The following PLXNC1 variants were observed in gnomAD, a reference collection of about 807,000 sequenced individuals.
PLXNC1 encodes plexin C1.
Under a neutral mutation model 178.2 loss-of-function variants are expected in PLXNC1, and 75 were observed. That is an observed-to-expected ratio of 0.42 (90% CI 0.35 to 0.51). PLXNC1 has a LOEUF of 0.51. Among genes scored for constraint, PLXNC1 ranks in the 20% least tolerant of loss-of-function variants. The pLI is 0.02. For synonymous variants in PLXNC1, 790 were observed against 779.9 expected (o/e 1.01, Z -0.22); for missense variants, 1,503 against 1,984.4 (o/e 0.76, Z 4.61).
intron 21 of PLXNC1, among the ~76,000 whole-genome samples, chr12:94,269,661 T>C (rs553911948): frequency 2.9e-4 from 44 of 152,380 alleles, no homozygotes; most frequent in Non-Finnish European, 4.9e-4. Flanking sequence ...TAAATCCTGA[T>C]GTTTGCACTT....
At chr12:94,298,914 T>C in intron 27 of PLXNC1, 119 bp downstream of exon 27, 1 of 957,084 alleles carries the variant, frequency 1.0e-6, no homozygotes, top group Non-Finnish European at 1.5e-6. Context: ...TCTTTGGGCT[T>C]GGTAAGCTAT....
intron 6 of PLXNC1, among the ~76,000 whole-genome samples, chr12:94,222,002 G>A (rs1963810075): frequency 6.6e-6 from 1 of 152,192 alleles, no homozygotes; most frequent in Admixed American, 6.5e-5. Flanking sequence ...GCAATTTAAT[G>A]CACCAGGCCA....
intron 9 of PLXNC1, among the ~76,000 whole-genome samples, chr12:94,229,691 G>A (rs961495062): frequency 2.0e-5 from 3 of 152,076 alleles, no homozygotes; most frequent in Non-Finnish European, 4.4e-5. Context: ...CACCCTCGTT[G>A]AAAATCATTT....
intron 30 of PLXNC1, among the ~76,000 whole-genome samples, chr12:94,304,886 G>T (rs967859423): frequency 6.6e-6 from 1 of 152,210 alleles, no homozygotes; most frequent in Non-Finnish European, 1.5e-5. Context: ...AGGAATGCTT[G>T]CTGTGCTTGG....
chr12:94,197,580 A>T (rs1043458005), intron 4 of PLXNC1, among the ~76,000 whole-genome samples: 6 of 152,118 alleles, frequency 3.9e-5, no homozygotes, highest in Admixed American at 3.9e-4. Flanking sequence ...GTAAAAAATA[A>T]ATTTATTTTC....
intron 21 of PLXNC1, among the ~76,000 whole-genome samples, chr12:94,279,123 C>T (rs1346386437): frequency 1.3e-5 from 2 of 152,336 alleles, no homozygotes; most frequent in South Asian, 2.1e-4. Flanking sequence ...TCTGCCTCAT[C>T]TACTGTGGAA....
At chr12:94,172,603 C>T (rs1051779530) in intron 2 of PLXNC1, among the ~76,000 whole-genome samples, 7 of 152,142 alleles carry the variant, frequency 4.6e-5, no homozygotes, top group Non-Finnish European at 8.8e-5. Flanking sequence ...ATTTTGGATT[C>T]TCTATTTATG....
chr12:94,167,880 A>G (rs1418376919), intron 1 of PLXNC1: 3 of 152,240 alleles, frequency 2.0e-5, no homozygotes, highest in Non-Finnish European at 4.4e-5. Context: ...CATTGGACAA[A>G]TCCTGGCTAG....
rs775802195 is a variant in PLXNC1 at position 94,282,347 on chromosome 12, C to T, written c.3825C>T (p.Ser1275=). The change falls in exon 23 of 31, where the codon TCC becomes TCT. Residue 1275 remains serine (S), a synonymous_variant. Coordinates refer to ENST00000258526, the MANE Select transcript of PLXNC1 (RefSeq NM_005761.3). ...RQKELLDIDS[S]SVILEDGITK... is the part of the protein sequence containing the mutation. ...AAGAACTTCTGGACATCGACAGTTCCTCCGTGATTCTTGAAGATGGAATCA... is the reference window on the plus strand; with the variant it reads ...AAGAACTTCTGGACATCGACAGTTCTTCCGTGATTCTTGAAGATGGAATCA... 1 of 1,614,058 alleles carries T rather than the reference C, an allele frequency of 6.2e-7. No homozygotes were observed. Among genetic ancestry groups the T allele is most frequent in the Non-Finnish European group, 8.5e-7 (1 of 1,179,916 alleles).
intron 4 of PLXNC1, among the ~76,000 whole-genome samples, chr12:94,201,764 T>TAC (rs1963129747): frequency 9.1e-6 from 1 of 109,628 alleles, no homozygotes; most frequent in Non-Finnish European, 1.8e-5. Flanking sequence ...TTTTTTTTTT[T>TAC]TTTTTTTTTT....
At chr12:94,188,350 T>C (rs1962597368) in intron 4 of PLXNC1, among the ~76,000 whole-genome samples, 1 of 134,636 alleles carries the variant, frequency 7.4e-6, no homozygotes. Flanking sequence ...TGAGATGGAC[T>C]CTGGCTTTGT....
intron 23 of PLXNC1, among the ~76,000 whole-genome samples, chr12:94,292,013 C>T (rs1332432259): frequency 2.6e-5 from 4 of 152,152 alleles, no homozygotes; most frequent in Admixed American, 1.3e-4. Context: ...GGCTTCTTCG[C>T]GTGTTTTTGC....
At chr12:94,285,890 C>T (rs911824902) in intron 23 of PLXNC1, among the ~76,000 whole-genome samples, 7 of 152,170 alleles carry the variant, frequency 4.6e-5, no homozygotes, top group Non-Finnish European at 7.3e-5. Context: ...CCTCCCCTGC[C>T]AGGCTTCTCA....
chr12:94,240,226 A>G (rs1054801903), intron 10 of PLXNC1, among the ~76,000 whole-genome samples: 2 of 152,192 alleles, frequency 1.3e-5, no homozygotes, highest in Admixed American at 1.3e-4. Context: ...CTTCAGGGCA[A>G]TGGTTACACC....
chr12:94,282,124 A>T (rs1013429712), intron 22 of PLXNC1, 174 bp from the exon 23 acceptor site: 2 of 528,164 alleles, frequency 3.8e-6, no homozygotes, highest in Non-Finnish European at 6.6e-6. Flanking sequence ...CCCTAAACAA[A>T]CAAACAAAGT....
intron 27 of PLXNC1, among the ~76,000 whole-genome samples, chr12:94,300,167 G>C (rs1249621258): frequency 6.6e-6 from 1 of 152,190 alleles, no homozygotes; most frequent in Non-Finnish European, 1.5e-5. Flanking sequence ...CATTCTAATA[G>C]TTGGGGACAG....
At chr12:94,259,481 G>C (rs181296170) in intron 18 of PLXNC1, 106 bp downstream of exon 18, 1 of 1,173,468 alleles carries the variant, frequency 8.5e-7, no homozygotes, top group Admixed American at 2.6e-5. Flanking sequence ...TTTATTGTGG[G>C]TTTTTTTTGG....
intron 23 of PLXNC1, among the ~76,000 whole-genome samples, chr12:94,287,146 AAC>A (rs1401079691): frequency 6.6e-6 from 1 of 152,238 alleles, no homozygotes; most frequent in East Asian, 1.9e-4. Context: ...CCATCTGATG[AAC>A]ACAGAGGAGG....
At chr12:94,174,054 A>G (rs1276306220) in intron 2 of PLXNC1, among the ~76,000 whole-genome samples, 2 of 152,202 alleles carry the variant, frequency 1.3e-5, no homozygotes, top group African/African-American at 2.4e-5. Flanking sequence ...AGTAGGGTTC[A>G]GGATACAGGA....
Sources: allele counts gnomAD v4.1 joint callset (sites outside exome capture counted in the v4.1 genomes callset), GRCh38; gene constraint gnomAD v4.1.1; transcripts MANE v1.5; gene names NCBI Gene and HGNC (gene_info 2026-07-23, HGNC 2026-07-21).